Variants in RCL1 observed in about 807,000 individuals in gnomAD.
The protein encoded by RCL1 is RNA terminal phosphate cyclase like 1.
In RCL1, 24 loss-of-function variants were observed where a neutral mutation model predicts 42.4. The observed-to-expected ratio is 0.57, with a 90% CI of 0.41 to 0.80. The LOEUF (loss-of-function observed/expected upper bound fraction) is 0.80. Ranked by LOEUF, RCL1 falls within the 30% of genes least tolerant of loss-of-function variation. The pLI is 0.00. For synonymous variants in RCL1, 228 were observed against 177.3 expected (o/e 1.29, Z -2.27); for missense variants, 578 against 467.9 (o/e 1.24, Z -2.17).
intron 1 of RCL1, among the ~76,000 whole-genome samples, chr9:4,807,855 A>G (rs1193842910): frequency 6.6e-6 from 1 of 151,964 alleles, no homozygotes; most frequent in Non-Finnish European, 1.5e-5. Context: ...TTTAGTTTCC[A>G]TGTGTTTGGA....
At chr9:4,833,343 T>G in intron 4 of RCL1, 115 bp downstream of exon 4, 1 of 765,152 alleles carries the variant, frequency 1.3e-6, no homozygotes, top group Non-Finnish European at 2.3e-6. Context: ...TCACCAGTTA[T>G]CAGAAGACTC....
At chr9:4,853,051 C>G (rs988448251) in intron 8 of RCL1, among the ~76,000 whole-genome samples, 1 of 152,078 alleles carries the variant, frequency 6.6e-6, no homozygotes, top group African/African-American at 2.4e-5. Flanking sequence ...CTTATTGATC[C>G]TAAGAATTCT....
At chr9:4,807,340 G>A (rs1034382952) in intron 1 of RCL1, among the ~76,000 whole-genome samples, 2 of 152,092 alleles carry the variant, frequency 1.3e-5, no homozygotes, top group African/African-American at 4.8e-5. Context: ...TTGAGGTGGA[G>A]CATAGATTAT....
rs1817961633 is a variant in RCL1 at position 4,856,347 on chromosome 9, A to G, written c.972-3778A>G. Among the ~76,000 whole-genome samples, 3 of 152,158 alleles carry G rather than the reference A, an allele frequency of 2.0e-5. No individual in the cohort carries two copies. The South Asian group carries it at 6.2e-4, about 32-fold the overall frequency. ...CAAGAATGTTGAAAATTGTTTCTCAAAATTACCCCAACTCCTAAATTCTAT... is the reference window on the plus strand; with the variant it reads ...CAAGAATGTTGAAAATTGTTTCTCAGAATTACCCCAACTCCTAAATTCTAT... On this transcript the variant is annotated intron_variant, in intron 8 of 8. Transcript: ENST00000381750.
intron 8 of RCL1, among the ~76,000 whole-genome samples, chr9:4,852,164 A>G (rs1244014722): frequency 6.6e-6 from 1 of 152,326 alleles, no homozygotes; most frequent in Admixed American, 6.5e-5. Context: ...TGCAGGCCTG[A>G]GCCACCAAGT....
At chr9:4,800,456 C>G (rs2130965506) in intron 1 of RCL1, among the ~76,000 whole-genome samples, 1 of 151,898 alleles carries the variant, frequency 6.6e-6, no homozygotes, top group African/African-American at 2.4e-5. Flanking sequence ...CTTAGGTGAT[C>G]CACCCACCTC....
chr9:4,856,689 A>C (rs1587738748), intron 8 of RCL1, among the ~76,000 whole-genome samples: 1 of 152,234 alleles, frequency 6.6e-6, no homozygotes, highest in South Asian at 2.1e-4. Context: ...GAAAGACTTC[A>C]TAGAAAAGTT....
chr9:4,793,097 G>A lies in RCL1; in HGVS notation c.6G>A (p.Ala2=), dbSNP rs1280524297. The A allele has an allele frequency of 1.2e-6, 2 of 1,609,200 alleles. No homozygotes were observed. Among genetic ancestry groups the A allele is most frequent in the African/African-American group, 2.7e-5 (2 of 74,304 alleles). M[A]TQAHSLSYAG... The stretch of plus-strand genomic sequence containing the variant: ...TCTCTTCGGAGAGCGCGCACATGGC[G>A]ACTCAGGCGCACTCCCTCAGCTACG... The change falls in exon 1 of 9, where the codon GCG becomes GCA. Residue 2 remains alanine (A), a synonymous_variant. Coordinates refer to ENST00000381750, the MANE Select transcript of RCL1 (RefSeq NM_005772.5).
At chr9:4,810,859 C>T (rs546475301) in intron 1 of RCL1, among the ~76,000 whole-genome samples, 330 of 152,204 alleles carry the variant, frequency 2.2e-3, no homozygotes, top group African/African-American at 7.6e-3. Context: ...ATTTATATTA[C>T]CCTGTGACTA....
At position 4,833,149 on chromosome 9, in the gene RCL1, C is replaced by A; in HGVS notation, c.385-5C>A. 6.2e-7 allele frequency: 1 copy of A among 1,603,388 alleles called. No homozygotes were observed. The highest frequency in any genetic ancestry group is 8.5e-7 in the Non-Finnish European group (1 of 1,170,310). On this transcript the variant is annotated splice_region_variant and splice_polypyrimidine_tract_variant and intron_variant, in intron 3 of 8. Transcript: ENST00000381750. ...AAACTTTTCTTTTCTGAAATAATTT[C>A]ATAGGTTGATGTTCTTAAGGCAACA...
chr9:4,841,192 G>A (rs1437908436), intron 5 of RCL1, 40 bp from the exon 6 acceptor site: 1 of 1,612,764 alleles, frequency 6.2e-7, no homozygotes, highest in East Asian at 2.2e-5. Context: ...TCTCTGTCCT[G>A]GAATTCAAGC....
chr9:4,821,027 C>T (rs1488047395), intron 1 of RCL1, among the ~76,000 whole-genome samples: 1 of 152,084 alleles, frequency 6.6e-6, no homozygotes, highest in Non-Finnish European at 1.5e-5. Context: ...TTCAAGAGAT[C>T]AGTGCCTATA....
intron 1 of RCL1, among the ~76,000 whole-genome samples, chr9:4,817,469 A>ACCTT (rs1563836453): frequency 1.5e-5 from 2 of 131,098 alleles, no homozygotes. Flanking sequence ...TTTTTTTTTA[A>ACCTT]TCTTTTTTTT....
intron 1 of RCL1, among the ~76,000 whole-genome samples, chr9:4,794,684 C>T (rs934268693): frequency 6.6e-5 from 10 of 151,600 alleles, no homozygotes; most frequent in Admixed American, 1.3e-4. Context: ...GCCTGGAAAC[C>T]TGGGTTCTCT....
chr9:4,830,661 C>G (rs899570189), intron 3 of RCL1, among the ~76,000 whole-genome samples: 2 of 152,172 alleles, frequency 1.3e-5, no homozygotes, highest in African/African-American at 4.8e-5. Context: ...AATAATGTCT[C>G]CCATGTACTG....
Position 4,841,236 on chromosome 9 carries a change from T to C in RCL1, c.589T>C (p.Ser197Pro). The C allele has an allele frequency of 6.2e-7, 1 of 1,614,054 alleles. No individual in the cohort carries two copies. Among genetic ancestry groups the C allele is most frequent in the Non-Finnish European group, 8.5e-7 (1 of 1,179,932 alleles). ...ATCCTTAACTCCAGGCTGCAGGTAC[T>C]CTGTACGTGTGTCACCTCAGATGGC... The part of the protein sequence containing the change: ...KIKRIRGMAY[S>P]VRVSPQMANR... Residue 197 changes from serine (S) to proline (P), a missense_variant, in exon 6 of 9, where the codon TCT becomes CCT. Ser to Pro is a moderately conservative substitution (Grantham distance 74). Transcript: ENST00000381750.
chr9:4,844,432 C>CA (rs1279533075), intron 6 of RCL1, 93 bp from the exon 7 acceptor site: 129 of 974,568 alleles, frequency 1.3e-4, no homozygotes, highest in African/African-American at 3.1e-4. Flanking sequence ...ACAGTGCCGT[C>CA]AAAAAAAATG....
chr9:4,839,765 G>A, intron 5 of RCL1: 1 of 968,182 alleles, frequency 1.0e-6, no homozygotes, highest in Non-Finnish European at 1.2e-6. Flanking sequence ...TGGAGAGTTG[G>A]GAGGGATTAC....
At chr9:4,801,902 A>G (rs1843007373) in intron 1 of RCL1, among the ~76,000 whole-genome samples, 1 of 151,018 alleles carries the variant, frequency 6.6e-6, no homozygotes, top group South Asian at 2.1e-4. Context: ...TCTTGCCAAC[A>G]CGACACAGTC....
Sources: gnomAD v4.1 joint callset for allele counts (sites outside exome capture counted in the v4.1 genomes callset) on GRCh38, gnomAD v4.1.1 for gene constraint, MANE v1.5 for transcripts, NCBI Gene and HGNC (gene_info 2026-07-23, HGNC 2026-07-21) for gene names.